TUT4: variants seen among roughly 807,000 people sequenced by gnomAD.
TUT4 encodes the protein terminal uridylyl transferase 4.
A neutral mutation model predicts 192.2 loss-of-function variants in TUT4; 36 were observed. The observed-to-expected ratio is 0.19, with a 90% CI of 0.14 to 0.25. The LOEUF (loss-of-function observed/expected upper bound fraction) is 0.25. Among genes scored for constraint, TUT4 ranks in the 10% least tolerant of loss-of-function variants. The probability of loss-of-function intolerance (pLI) is 1.00; values close to 1 mark genes in which losing one functional copy is unlikely to be tolerated. For missense variants in TUT4, 1,493 were observed against 1,957.2 expected, an observed-to-expected ratio of 0.76 and a Z score of 4.47; for synonymous variants, 618 against 666.0, an observed-to-expected ratio of 0.93 and a Z score of 1.11.
chr1:52,426,663 C>A (rs1650057193), intron 28 of TUT4, among the ~76,000 whole-genome samples: 1 of 152,110 alleles, frequency 6.6e-6, no homozygotes. Context: ...AGCCAAGTTA[C>A]AACTAAGGGC....
chr1:52,453,742 T>A (rs796878710), intron 20 of TUT4, among the ~76,000 whole-genome samples: 4 of 152,300 alleles, frequency 2.6e-5, no homozygotes, highest in African/African-American at 9.6e-5. Context: ...CTGGAAGTTC[T>A]AGCTAATGCA....
intron 1 of TUT4, among the ~76,000 whole-genome samples, chr1:52,549,692 T>C (rs1688920048): frequency 6.6e-6 from 1 of 152,206 alleles, no homozygotes; most frequent in Non-Finnish European, 1.5e-5. Flanking sequence ...AAGAGAGATC[T>C]GCTTTGAAAT....
At chr1:52,523,825 G>A (rs910753273) in intron 2 of TUT4, among the ~76,000 whole-genome samples, 1 of 152,022 alleles carries the variant, frequency 6.6e-6, no homozygotes, top group Non-Finnish European at 1.5e-5. Flanking sequence ...TAAGTCTGTC[G>A]ATATACCATC....
chr1:52,443,869 A>G (rs1208898060), intron 24 of TUT4, among the ~76,000 whole-genome samples: 1 of 152,212 alleles, frequency 6.6e-6, no homozygotes, highest in Non-Finnish European at 1.5e-5. Context: ...CACAATTCTC[A>G]GGTAAAATGC....
At chr1:52,425,639 A>T in intron 28 of TUT4, 132 bp from the exon 29 acceptor site, 1 of 1,140,790 alleles carries the variant, frequency 8.8e-7, no homozygotes, top group Non-Finnish European at 1.2e-6. Flanking sequence ...AGAATACCAA[A>T]CAAACTTTTT....
chr1:52,484,627 CATT>C (rs2149006185), intron 9 of TUT4, among the ~76,000 whole-genome samples: 1 of 152,294 alleles, frequency 6.6e-6, no homozygotes, highest in South Asian at 2.1e-4. Flanking sequence ...CTGAGTCCAA[CATT>C]ATTTTCTTCC....
chr1:52,481,309 G>A (rs1668421684), intron 11 of TUT4, 114 bp downstream of exon 11: 1 of 1,094,208 alleles, frequency 9.1e-7, no homozygotes, highest in African/African-American at 1.6e-5. Flanking sequence ...TGAGGAAAAT[G>A]AGGCCAAGAG....
rs138786668 is a variant in TUT4 at position 52,490,850 on chromosome 1, G to A, written c.1319-49C>T. ...GCTAATGTCAACATCTCTAAAATAC[G>A]TACTCTACAGTAAACATTAAGTAAC... On this transcript the variant is annotated intron_variant, in intron 7 of 29. Transcript: ENST00000257177. 2,125 of 1,367,066 alleles carry A rather than the reference G, an allele frequency of 1.6e-3. 25 individuals are homozygous for A. Among genetic ancestry groups the A allele is most frequent in the Middle Eastern group, 1.5e-3 (8 of 5,444 alleles). The allele number at this position is 1,367,066 out of a possible 1,614,324, so 84.7% of individuals were successfully genotyped here.
intron 1 of TUT4, among the ~76,000 whole-genome samples, chr1:52,545,089 G>A (rs1213907358): frequency 1.3e-5 from 2 of 149,750 alleles, no homozygotes; most frequent in Non-Finnish European, 3.0e-5. Flanking sequence ...AAGAAACAGA[G>A]TAAAGGCCAG....
chr1:52,550,486 G>C lies in TUT4; in HGVS notation c.-94+2445C>G, dbSNP rs1356867435. Among the ~76,000 whole-genome samples, 3 of 149,134 alleles carry C rather than the reference G, an allele frequency of 2.0e-5. No individual in the cohort carries two copies. The East Asian group carries it at 6.0e-4, about 30-fold the overall frequency. On this transcript the variant is annotated intron_variant, in intron 1 of 29. Coordinates refer to ENST00000257177, the MANE Select transcript of TUT4 (RefSeq NM_001009881.3). ...AATGTTCTGGCATCAACATTAACAGGTAAGTATTGCTTTTTTTTTTTTTTT... is the reference window on the plus strand; with the variant it reads ...AATGTTCTGGCATCAACATTAACAGCTAAGTATTGCTTTTTTTTTTTTTTT...
At chr1:52,539,709 A>G (rs2149637089) in intron 1 of TUT4, among the ~76,000 whole-genome samples, 1 of 151,548 alleles carries the variant, frequency 6.6e-6, no homozygotes, top group South Asian at 2.1e-4. Context: ...AGAGTTTGAG[A>G]CTAGCCTGAC....
intron 20 of TUT4, among the ~76,000 whole-genome samples, chr1:52,456,043 A>G (rs1010364121): frequency 2.6e-5 from 4 of 152,226 alleles, no homozygotes; most frequent in African/African-American, 9.6e-5. Context: ...AGTAAAACAG[A>G]TATTTTTCCA....
chr1:52,465,029 G>C (rs1479709601), intron 16 of TUT4, 41 bp downstream of exon 16: 1 of 1,466,356 alleles, frequency 6.8e-7, no homozygotes. Flanking sequence ...ATCGTCATTG[G>C]GAGAAAATAA....
chr1:52,471,263 C>G (rs1179619776), intron 14 of TUT4, among the ~76,000 whole-genome samples: 2 of 152,146 alleles, frequency 1.3e-5, no homozygotes, highest in African/African-American at 4.8e-5. Flanking sequence ...GATCGGCCCA[C>G]CTCGGCCTCC....
chr1:52,525,712 G>C lies in TUT4; in HGVS notation c.569C>G (p.Ser190Cys). 1 of 1,614,116 alleles carries C rather than the reference G, an allele frequency of 6.2e-7. No individual in the cohort carries two copies. The highest frequency in any genetic ancestry group is 1.1e-5 in the South Asian group (1 of 91,080). Residue 190 changes from serine to cysteine, a missense_variant, in exon 2 of 30, where the codon TCT becomes TGT. Around this residue, in one of 7 missense-constraint regions of TUT4, gnomAD observed 260 missense variants for 247.8 expected, o/e 1.05. Coordinates refer to ENST00000257177, the MANE Select transcript of TUT4 (RefSeq NM_001009881.3). ...AGCTTCAATATTCACTTTGTCCACA[G>C]AAGTAAAGGAGCTTGGAATTTTTTT... ...IGKKIPSSFT[S>C]VDKVNIEAVG...
At chr1:52,458,229 A>G (rs760395215) in intron 20 of TUT4, 107 bp downstream of exon 20, 1 of 678,020 alleles carries the variant, frequency 1.5e-6, no homozygotes, top group East Asian at 2.7e-5. Flanking sequence ...ACTTAGGACA[A>G]CCATGATGGA....
chr1:52,431,115 C>T lies in TUT4; in HGVS notation c.4609G>A (p.Ala1537Thr). ...TTAGGGATTGCCACAGGTCTGGCAGCAGGCTGTGCAAAGATGATGCTGGGA... is the reference window on the plus strand; with the variant it reads ...TTAGGGATTGCCACAGGTCTGGCAGTAGGCTGTGCAAAGATGATGCTGGGA... The part of the protein sequence containing the change: ...NDPSIIFAQP[A>T]ARPVAIPNTS... The change falls in exon 28 of 30, where the codon GCT (alanine) becomes ACT (threonine). Residue 1537 changes from alanine to threonine, a missense_variant. Physicochemically the swap from Ala to Thr is moderately conservative, Grantham distance 58 (BLOSUM62 0). Coordinates refer to ENST00000257177, the MANE Select transcript of TUT4 (RefSeq NM_001009881.3). 1 of 1,614,236 alleles carries T rather than the reference C, an allele frequency of 6.2e-7. No individual in the cohort carries two copies. The highest frequency in any genetic ancestry group is 8.5e-7 in the Non-Finnish European group (1 of 1,180,040).
At chr1:52,443,488 C>T (rs185476392) in intron 24 of TUT4, among the ~76,000 whole-genome samples, 86 of 152,026 alleles carry the variant, frequency 5.7e-4, no homozygotes, top group African/African-American at 2.0e-3. Flanking sequence ...ACTTGGGAGG[C>T]CGAGGCAGGA....
At chr1:52,472,462 T>C (rs963548291) in intron 13 of TUT4, among the ~76,000 whole-genome samples, 2 of 151,946 alleles carry the variant, frequency 1.3e-5, no homozygotes, top group Non-Finnish European at 2.9e-5. Context: ...TATAAAGAAA[T>C]TTTAAGGTGC....
Sources: allele counts gnomAD v4.1 joint callset (sites outside exome capture counted in the v4.1 genomes callset), GRCh38; gene constraint gnomAD v4.1.1; regional missense constraint gnomAD v4.1.1; transcripts MANE v1.5; gene names NCBI Gene and HGNC (gene_info 2026-07-23, HGNC 2026-07-21).